The following DYNC2H1 variants were observed in gnomAD, a reference collection of about 807,000 sequenced individuals.
DYNC2H1 encodes the protein cytoplasmic dynein 2 heavy chain 1.
In DYNC2H1, 410 loss-of-function variants were observed where a neutral mutation model predicts 570.0. That is an observed-to-expected ratio of 0.72 (90% CI 0.66 to 0.78). DYNC2H1 has a LOEUF of 0.78. DYNC2H1 is among the 30% of genes least tolerant of loss of function. DYNC2H1 has a pLI of 0.00. For synonymous variants in DYNC2H1, 1,688 were observed against 1,677.6 expected (o/e 1.01, Z -0.15); for missense variants, 4,865 against 5,046.4 (o/e 0.96, Z 1.09).
At chr11:103,296,196 T>G (rs1188853978) in intron 75 of DYNC2H1, among the ~76,000 whole-genome samples, 1 of 152,180 alleles carries the variant, frequency 6.6e-6, no homozygotes, top group Non-Finnish European at 1.5e-5. Context: ...TTGGTTTGTA[T>G]GAAGGTATTT....
chr11:103,221,733 G>C (rs989945302), intron 57 of DYNC2H1, among the ~76,000 whole-genome samples: 1 of 152,132 alleles, frequency 6.6e-6, no homozygotes, highest in Admixed American at 6.6e-5. Context: ...GCACGCACCT[G>C]TGGTCCCAGC....
chr11:103,219,889 G>T, intron 55 of DYNC2H1, 26 bp from the exon 56 acceptor site: 2 of 1,293,762 alleles, frequency 1.5e-6, no homozygotes, highest in South Asian at 2.8e-5. Flanking sequence ...AAAATTGATT[G>T]GAATGCCACT....
chr11:103,411,365 TATTGTATAAA>T, intron 84 of DYNC2H1, among the ~76,000 whole-genome samples: 1 of 152,150 alleles, frequency 6.6e-6, no homozygotes, highest in East Asian at 1.9e-4. Flanking sequence ...TTGTTGTGCT[TATTGTATAAA>T]ATGGAGGCTT....
chr11:103,162,051 GT>G (rs1447022829), intron 29 of DYNC2H1, among the ~76,000 whole-genome samples: 1 of 152,154 alleles, frequency 6.6e-6, no homozygotes, highest in Non-Finnish European at 1.5e-5. Context: ...TTGGTTAAGA[GT>G]TTTGTTTTTT....
rs1426129689 is a variant in DYNC2H1, at chr11:103,299,068, A to G, written c.11096-4025A>G. ...ACTTAAAATGACTATCATGAGGAGT[A>G]TATTATACTATGTGTATTGAGGTAT... On this transcript the variant is annotated intron_variant, in intron 75 of 88. Coordinates refer to ENST00000375735, the MANE Select transcript of DYNC2H1 (RefSeq NM_001377.3). This position sits in a 1 kb window ranked among gnomAD's most constrained non-coding sequence, Gnocchi z 4.5. Among the ~76,000 whole-genome samples, 2 of 152,100 alleles carry G rather than the reference A, an allele frequency of 1.3e-5. No homozygotes were observed. Among genetic ancestry groups the G allele is most frequent in the African/African-American group, 2.4e-5 (1 of 41,448 alleles).
chr11:103,217,899 C>A (rs1179120097), intron 55 of DYNC2H1, among the ~76,000 whole-genome samples: 3 of 151,996 alleles, frequency 2.0e-5, no homozygotes, highest in Non-Finnish European at 4.4e-5. Flanking sequence ...TTAACATGAA[C>A]AAAAGATTTG....
At chr11:103,348,489 T>G (rs1366069933) in intron 82 of DYNC2H1, among the ~76,000 whole-genome samples, 3 of 152,108 alleles carry the variant, frequency 2.0e-5, no homozygotes, top group African/African-American at 7.2e-5. Context: ...ACTGATTTCT[T>G]TTTTATCAGT....
At chr11:103,260,373 C>T (rs1236821889) in intron 70 of DYNC2H1, among the ~76,000 whole-genome samples, 1 of 152,164 alleles carries the variant, frequency 6.6e-6, no homozygotes, top group African/African-American at 2.4e-5. Context: ...TCTCTGCCTT[C>T]CAGCATTCCT....
intron 18 of DYNC2H1, among the ~76,000 whole-genome samples, chr11:103,143,911 T>C (rs895401783): frequency 1.3e-5 from 2 of 152,200 alleles, no homozygotes; most frequent in African/African-American, 4.8e-5. Flanking sequence ...AGAACCACTC[T>C]TAGTAATAAG....
In DYNC2H1 at chr11:103,220,710, G is replaced by A. The variant is rs371982886; in HGVS notation, c.9034G>A (p.Val3012Ile). ...EIRSLRMPPD[V>I]IRDILEGVLR... Reference sequence around the variant, plus strand: ...TCGCTCACTACGCATGCCACCTGATGTAATTAGAGATATTCTTGAAGGAGT... The same window carrying A: ...TCGCTCACTACGCATGCCACCTGATATAATTAGAGATATTCTTGAAGGAGT... The change falls in exon 57 of 89, where the codon GTA becomes ATA. Residue 3012 changes from valine (V) to isoleucine (I), a missense_variant. Transcript: ENST00000375735. The A allele has an allele frequency of 2.0e-5, 33 of 1,613,066 alleles. No individual in the cohort carries two copies. Among genetic ancestry groups the A allele is most frequent in the Non-Finnish European group, 2.8e-5 (33 of 1,179,390 alleles).
chr11:103,436,128 A>G, intron 85 of DYNC2H1, 96 bp downstream of exon 85: 1 of 984,826 alleles, frequency 1.0e-6, no homozygotes, highest in Non-Finnish European at 1.5e-6. Flanking sequence ...GAATTACACT[A>G]TGATTTTGCA....
chr11:103,165,713 TG>T (rs962790384), intron 30 of DYNC2H1, among the ~76,000 whole-genome samples, 184 bp from the exon 31 acceptor site: 103 of 152,284 alleles, frequency 6.8e-4, no homozygotes, highest in African/African-American at 2.3e-3. Context: ...TAGGCTTGGC[TG>T]CATCACACAA....
At chr11:103,414,218 G>A (rs564219163) in intron 84 of DYNC2H1, among the ~76,000 whole-genome samples, 1 of 152,294 alleles carries the variant, frequency 6.6e-6, no homozygotes, top group South Asian at 2.1e-4. Context: ...TTAGAGACAG[G>A]ACATCACTGC....
chr11:103,479,607 A>G lies in DYNC2H1; in HGVS notation c.*354A>G, dbSNP rs891132504. On this transcript the variant is annotated 3_prime_UTR_variant, in exon 89 of 89. Coordinates refer to ENST00000375735, the MANE Select transcript of DYNC2H1 (RefSeq NM_001377.3). ...TCATTTGTGTCATAATTATTTAATA[A>G]AAGAGCATTCATAATTTTTGCAGTC... is the stretch of plus-strand genomic sequence containing the variant. The G allele has an allele frequency of 7.4e-5, 12 of 162,538 alleles. No homozygotes were observed. Among genetic ancestry groups the G allele is most frequent in the Non-Finnish European group, 1.6e-4 (12 of 74,970 alleles). The allele number at this position is 162,538 out of a possible 1,614,324, so 10.1% of individuals were successfully genotyped here. A position where few individuals can be genotyped will look rare whatever the true frequency, so the allele number is the denominator to read the frequency against.
intron 70 of DYNC2H1, among the ~76,000 whole-genome samples, chr11:103,278,045 T>C (rs1865979857): frequency 6.6e-6 from 1 of 152,202 alleles, no homozygotes; most frequent in Non-Finnish European, 1.5e-5. Context: ...AAGGCAGCCA[T>C]AGCTGGTTTT....
intron 82 of DYNC2H1, among the ~76,000 whole-genome samples, chr11:103,337,838 CT>C (rs1175331034): frequency 1.3e-5 from 2 of 152,128 alleles, no homozygotes; most frequent in Non-Finnish European, 2.9e-5. Flanking sequence ...CAGATTGTCT[CT>C]TTGTTGATTG....
At chr11:103,383,567 G>A (rs1019202631) in intron 83 of DYNC2H1, among the ~76,000 whole-genome samples, 101 of 151,284 alleles carry the variant, frequency 6.7e-4, no homozygotes, top group Non-Finnish European at 1.1e-3. Context: ...TCTGCCTCCC[G>A]CGTTCACGCC....
intron 31 of DYNC2H1, 143 bp from the exon 32 acceptor site, chr11:103,168,612 T>A (rs1861433688): frequency 3.7e-6 from 3 of 805,024 alleles, no homozygotes; most frequent in Admixed American, 3.5e-5. Flanking sequence ...TTAGCTTATG[T>A]GATTTGTATT....
intron 83 of DYNC2H1, among the ~76,000 whole-genome samples, chr11:103,365,039 T>A (rs1394842897): frequency 1.3e-5 from 2 of 152,196 alleles, no homozygotes; most frequent in Non-Finnish European, 2.9e-5. Flanking sequence ...TTTTAATTTG[T>A]AGAATATTTT....
Sources: allele counts gnomAD v4.1 joint callset (sites outside exome capture counted in the v4.1 genomes callset), GRCh38; gene constraint gnomAD v4.1.1; non-coding constraint Gnocchi (gnomAD v3.1); transcripts MANE v1.5; gene names NCBI Gene and HGNC (gene_info 2026-07-23, HGNC 2026-07-21).